The following SH3RF3 variants were observed in gnomAD, a reference collection of about 807,000 sequenced individuals.
SH3RF3 encodes the protein SH3 domain containing ring finger 3.
In SH3RF3, 29 loss-of-function variants were observed where a neutral mutation model predicts 66.3. That is an observed-to-expected ratio of 0.44 (90% CI 0.33 to 0.60). The LOEUF (loss-of-function observed/expected upper bound fraction) is 0.60, where lower values mean the gene tolerates loss of function less well. Ranked by LOEUF, SH3RF3 falls within the 20% of genes least tolerant of loss-of-function variation. The probability of loss-of-function intolerance (pLI) is 0.04; values close to 1 mark genes in which losing one functional copy is unlikely to be tolerated. For missense variants in SH3RF3, 1,194 were observed against 1,190.9 expected, an observed-to-expected ratio of 1.00 and a Z score of -0.04; for synonymous variants, 583 against 532.0, an observed-to-expected ratio of 1.10 and a Z score of -1.32.
intron 3 of SH3RF3, among the ~76,000 whole-genome samples, chr2:109,397,569 A>G (rs1676183442): frequency 6.6e-6 from 1 of 152,200 alleles, no homozygotes; most frequent in African/African-American, 2.4e-5. Context: ...CAAGTGGGAA[A>G]CTTCCTCCAG....
chr2:109,468,877 G>T (rs1332775516), intron 8 of SH3RF3, among the ~76,000 whole-genome samples: 2 of 132,256 alleles, frequency 1.5e-5, no homozygotes, highest in Admixed American at 7.3e-5. Flanking sequence ...AAAAAAAAAA[G>T]TTAAATTCAG....
intron 1 of SH3RF3, among the ~76,000 whole-genome samples, chr2:109,253,318 C>T (rs981309837): frequency 6.6e-6 from 1 of 152,190 alleles, no homozygotes; most frequent in Non-Finnish European, 1.5e-5. Context: ...TGCGCCCGGC[C>T]TAGCCTTTAA....
intron 1 of SH3RF3, among the ~76,000 whole-genome samples, chr2:109,275,500 T>G (rs1047695533): frequency 6.6e-5 from 10 of 152,090 alleles, no homozygotes; most frequent in African/African-American, 2.4e-4. Flanking sequence ...GATTCTGGGT[T>G]GTAGATTGTT....
At chr2:109,381,892 G>T (rs1290198280) in intron 3 of SH3RF3, among the ~76,000 whole-genome samples, 1 of 152,094 alleles carries the variant, frequency 6.6e-6, no homozygotes, top group Non-Finnish European at 1.5e-5. Context: ...GAGTGCATGT[G>T]CAATGGGCAA....
At chr2:109,142,990 C>T (rs1676993028) in intron 1 of SH3RF3, among the ~76,000 whole-genome samples, 1 of 152,014 alleles carries the variant, frequency 6.6e-6, no homozygotes, top group South Asian at 2.1e-4. Context: ...GTCCTGGCTG[C>T]TGGAGTGTGA....
At chr2:109,351,915 G>A (rs530322836) in intron 2 of SH3RF3, among the ~76,000 whole-genome samples, 22 of 152,340 alleles carry the variant, frequency 1.4e-4, no homozygotes, top group Admixed American at 5.9e-4. Context: ...AGTATGGGAA[G>A]TCTTACCTTT....
intron 1 of SH3RF3, among the ~76,000 whole-genome samples, chr2:109,172,567 G>GTGGAT (rs1452619733): frequency 2.6e-5 from 4 of 152,170 alleles, no homozygotes; most frequent in Admixed American, 6.5e-5. Context: ...TCCAAACAGT[G>GTGGAT]TGGATTATTG....
chr2:109,400,679 T>C (rs1296111434), intron 4 of SH3RF3, among the ~76,000 whole-genome samples: 6 of 116,050 alleles, frequency 5.2e-5, no homozygotes, highest in Non-Finnish European at 1.1e-4. Flanking sequence ...CACACACACA[T>C]TGGTGGATAC....
At chr2:109,160,365 T>G (rs1236706020) in intron 1 of SH3RF3, among the ~76,000 whole-genome samples, 2 of 152,198 alleles carry the variant, frequency 1.3e-5, no homozygotes, top group African/African-American at 4.8e-5. Context: ...GAAACACATT[T>G]GTGTGCCCAA....
intron 7 of SH3RF3, among the ~76,000 whole-genome samples, chr2:109,442,331 A>G (rs12329141): frequency 0.084 from 12,777 of 151,270 alleles, 730 homozygotes; most frequent in African/African-American, 0.15. Context: ...AAAAAAGAAA[A>G]AATCCACACT....
At position 109,432,493 on chromosome 2, in the gene SH3RF3, G is replaced by T; in HGVS notation, c.1404-8G>T. On this transcript the variant is annotated splice_polypyrimidine_tract_variant and splice_region_variant and intron_variant, in intron 5 of 9. Transcript: ENST00000309415. ...CCCACTGACACTGGCCCCATGCTTTGCCCGCAGGTACCTGGCGCTCTACGC... is the reference window on the plus strand; with the variant it reads ...CCCACTGACACTGGCCCCATGCTTTTCCCGCAGGTACCTGGCGCTCTACGC... 6.2e-7 allele frequency: 1 copy of T among 1,612,878 alleles called. No homozygotes were observed. Among genetic ancestry groups the T allele is most frequent in the South Asian group, 1.1e-5 (1 of 90,744 alleles).
intron 1 of SH3RF3, among the ~76,000 whole-genome samples, chr2:109,189,141 T>C (rs1236289700): frequency 6.6e-6 from 1 of 152,002 alleles, no homozygotes; most frequent in Non-Finnish European, 1.5e-5. Context: ...TTCCCCAGGC[T>C]GTGACCTCGC....
intron 5 of SH3RF3, among the ~76,000 whole-genome samples, chr2:109,429,523 G>A (rs548429568): frequency 6.6e-6 from 1 of 152,154 alleles, no homozygotes; most frequent in Non-Finnish European, 1.5e-5. Flanking sequence ...CTCCCTACGC[G>A]TTGGCCACAC....
At position 109,449,122 on chromosome 2, in the gene SH3RF3, G is replaced by T. The variant is rs371539738; in HGVS notation, c.1829-48G>T. 1.1e-4 allele frequency: 169 copies of T among 1,580,352 alleles called. 1 individual carries two copies. The African/African-American group carries it at 2.1e-3, about 20-fold the overall frequency. On this transcript the variant is annotated intron_variant, in intron 7 of 9. Coordinates refer to ENST00000309415, the MANE Select transcript of SH3RF3 (RefSeq NM_001099289.3). ...TGCAGCTGCCTGGCAGGCATGGCAA[G>T]TTGCAAACTAACCTTTCAACCTGCT...
intron 1 of SH3RF3, among the ~76,000 whole-genome samples, chr2:109,262,822 AG>A (rs1680388778): frequency 6.6e-6 from 1 of 152,016 alleles, no homozygotes; most frequent in Non-Finnish European, 1.5e-5. Context: ...TTTTCATACA[AG>A]ACTTTCTTTT....
intron 1 of SH3RF3, among the ~76,000 whole-genome samples, chr2:109,170,242 CTTTT>C (rs1677733099): frequency 3.1e-4 from 3 of 9,788 alleles, no homozygotes; most frequent in East Asian, 3.4e-3. Flanking sequence ...CTCTTCTTTT[CTTTT>C]CTCTTCTCTT....
In SH3RF3 at chr2:109,296,337, C is replaced by T. The variant is rs1413862168; in HGVS notation, c.574-51337C>T. Reference sequence around the variant, plus strand: ...CTGCCTCCCAGGTTCAAGTGATTCTCCTGCCTCAGCCTCCCGAGTAGCTGG... The same window carrying T: ...CTGCCTCCCAGGTTCAAGTGATTCTTCTGCCTCAGCCTCCCGAGTAGCTGG... On this transcript the variant is annotated intron_variant, in intron 1 of 9. Coordinates refer to ENST00000309415, the MANE Select transcript of SH3RF3 (RefSeq NM_001099289.3). 2.6e-5 allele frequency among the ~76,000 whole-genome samples: 4 copies of T among 152,098 alleles called. No homozygotes were observed. The East Asian group carries it at 7.7e-4, about 29-fold the overall frequency.
intron 7 of SH3RF3, among the ~76,000 whole-genome samples, chr2:109,438,908 C>T (rs1677485429): frequency 6.6e-6 from 1 of 152,200 alleles, no homozygotes; most frequent in South Asian, 2.1e-4. Flanking sequence ...CTCATCCAAT[C>T]AGCCCGGTGT....
At chr2:109,324,103 T>G (rs1478047526) in intron 1 of SH3RF3, among the ~76,000 whole-genome samples, 1 of 152,266 alleles carries the variant, frequency 6.6e-6, no homozygotes, top group Non-Finnish European at 1.5e-5. Flanking sequence ...TAGCATAATA[T>G]TTTCAAGGTT....
Sources: allele counts gnomAD v4.1 joint callset (sites outside exome capture counted in the v4.1 genomes callset), GRCh38; gene constraint gnomAD v4.1.1; transcripts MANE v1.5; gene names NCBI Gene and HGNC (gene_info 2026-07-23, HGNC 2026-07-21).